SCAI: variants seen among roughly 807,000 people sequenced by gnomAD.
The protein encoded by SCAI is protein SCAI.
In SCAI, 24 loss-of-function variants were observed where a neutral mutation model predicts 92.2. The observed-to-expected ratio is 0.26, with a 90% CI of 0.19 to 0.37. The LOEUF (loss-of-function observed/expected upper bound fraction) is 0.37, where lower values mean the gene tolerates loss of function less well. Ranked by LOEUF, SCAI falls within the 10% of genes least tolerant of loss-of-function variation. SCAI has a pLI of 1.00. For synonymous variants in SCAI, 261 were observed against 258.6 expected (o/e 1.01, Z -0.09); for missense variants, 450 against 736.2 (o/e 0.61, Z 4.50).
intron 2 of SCAI, among the ~76,000 whole-genome samples, chr9:125,118,291 A>T (rs1182079268): frequency 6.6e-6 from 1 of 152,130 alleles, no homozygotes; most frequent in Non-Finnish European, 1.5e-5. Context: ...GCACAGGAGG[A>T]TCATTTGAGG....
At chr9:125,126,390 GGGGT>G (rs145312584) in intron 2 of SCAI, among the ~76,000 whole-genome samples, 15,442 of 129,594 alleles carry the variant, frequency 0.12, 965 homozygotes, top group Admixed American at 0.18. Flanking sequence ...AAGTGAGTTG[GGGGT>G]GTGTGTGTGT....
At chr9:125,056,448 G>A (rs887738983) in intron 2 of SCAI, among the ~76,000 whole-genome samples, 2 of 152,086 alleles carry the variant, frequency 1.3e-5, no homozygotes, top group African/African-American at 4.8e-5. Flanking sequence ...CTGGGTGACA[G>A]AGCGAGACAC....
At position 125,143,453 on chromosome 9, in the gene SCAI, C is replaced by G; in HGVS notation, c.-16G>C. 2.2e-6 allele frequency: 3 copies of G among 1,352,070 alleles called. No individual in the cohort carries two copies. The highest frequency in any genetic ancestry group is 5.4e-4 in the Middle Eastern group (2 of 3,672). 83.8% of individuals were successfully genotyped at this position (1,352,070 alleles called of 1,614,324 possible). A position where few individuals can be genotyped will look rare whatever the true frequency, so the allele number is the denominator to read the frequency against. On this transcript the variant is annotated 5_prime_UTR_variant, in exon 1 of 18. Transcript: ENST00000336505. ...CTCTGACCATCCGGCTCCTGCTCCG[C>G]CGCGGGAGCTGCTCCGGCGGCCGCA...
intron 17 of SCAI, among the ~76,000 whole-genome samples, chr9:124,958,583 T>C (rs1467940488): frequency 6.6e-6 from 1 of 152,086 alleles, no homozygotes; most frequent in Non-Finnish European, 1.5e-5. Context: ...GACCTACATG[T>C]AAAAGCTGAA....
intron 3 of SCAI, among the ~76,000 whole-genome samples, chr9:125,050,380 GA>G (rs1323198418): frequency 3.3e-5 from 5 of 151,982 alleles, no homozygotes; most frequent in African/African-American, 1.2e-4. Context: ...ATCAACACTC[GA>G]AAGAAAAGAG....
At chr9:125,139,992 C>G (rs1240095061) in intron 2 of SCAI, among the ~76,000 whole-genome samples, 1 of 152,044 alleles carries the variant, frequency 6.6e-6, no homozygotes, top group African/African-American at 2.4e-5. Flanking sequence ...TTTGGGAGGC[C>G]AAGGCTGGCG....
At position 125,119,191 on chromosome 9, in the gene SCAI, A is replaced by G. The variant is rs560682198; in HGVS notation, c.98+23442T>C. 4.6e-5 allele frequency among the ~76,000 whole-genome samples: 7 copies of G among 152,286 alleles called. No homozygotes were observed. In the East Asian group the frequency reaches 1.2e-3, roughly 25 times the overall value. On this transcript the variant is annotated intron_variant, in intron 2 of 17. Transcript: ENST00000336505. ...GGAGCAGTAGTAATGAACAGCCAAT[A>G]TTTTGTGGCAGGTAATATCATTGAA...
chr9:125,071,273 C>A (rs112083833), intron 2 of SCAI, among the ~76,000 whole-genome samples: 5,576 of 152,218 alleles, frequency 0.037, 129 homozygotes, highest in Non-Finnish European at 0.051. Context: ...GTGTTGTGTG[C>A]CTATAGTTCT....
At chr9:125,100,067 T>G (rs1166670878) in intron 2 of SCAI, among the ~76,000 whole-genome samples, 2 of 152,270 alleles carry the variant, frequency 1.3e-5, no homozygotes, top group African/African-American at 4.8e-5. Flanking sequence ...GTTGAGTGGC[T>G]GGATCATATA....
chr9:125,021,523 G>A (rs1283247594), intron 6 of SCAI, among the ~76,000 whole-genome samples: 1 of 151,998 alleles, frequency 6.6e-6, no homozygotes, highest in Non-Finnish European at 1.5e-5. Flanking sequence ...GAGTAACAAC[G>A]TGCATCCTTT....
intron 17 of SCAI, 66 bp from the exon 18 acceptor site, chr9:124,953,019 A>T (rs1831255134): frequency 7.7e-7 from 1 of 1,295,398 alleles, no homozygotes; most frequent in Non-Finnish European, 1.1e-6. Flanking sequence ...ACACATTGAT[A>T]ACAGTGTCAA....
chr9:125,100,688 G>C (rs1834659286), intron 2 of SCAI, among the ~76,000 whole-genome samples: 1 of 152,148 alleles, frequency 6.6e-6, no homozygotes, highest in African/African-American at 2.4e-5. Context: ...ATATTAGATG[G>C]TGATAAGTGC....
intron 2 of SCAI, among the ~76,000 whole-genome samples, chr9:125,103,855 A>C (rs1834725959): frequency 1.3e-5 from 2 of 152,220 alleles, no homozygotes; most frequent in Admixed American, 1.3e-4. Context: ...TAAGAATCCT[A>C]GGGCTAAAAG....
chr9:125,077,402 G>A (rs548732646), intron 2 of SCAI, among the ~76,000 whole-genome samples: 36 of 152,172 alleles, frequency 2.4e-4, no homozygotes, highest in African/African-American at 8.4e-4. Context: ...GAATAATACT[G>A]CTACAAATAT....
At chr9:124,996,223 G>A (rs1468114897) in intron 13 of SCAI, among the ~76,000 whole-genome samples, 2 of 150,354 alleles carry the variant, frequency 1.3e-5, no homozygotes, top group Non-Finnish European at 1.5e-5. Flanking sequence ...GCGGGGGTGG[G>A]GGGGTGGTGC....
At position 124,971,837 on chromosome 9, in the gene SCAI, A is replaced by G. The variant is rs1309777519; in HGVS notation, c.1407T>C (p.Ser469=). Residue 469 remains serine (S), a synonymous_variant, in exon 16 of 18, where the codon TCT becomes TCC. Transcript: ENST00000336505. ...AGAGAGTGAAGAGGCTACCTCGCTG[A>G]GATTGATCTGTAATAACAAACATGT... The part of the protein sequence containing the change: ...TAYPKALQDQ[S]QRGSLFTLFL... 8.8e-6 allele frequency: 14 copies of G among 1,588,246 alleles called. No homozygotes were observed. In the Admixed American group the frequency reaches 2.5e-4, roughly 29 times the overall value.
At chr9:124,961,962 G>C (rs1453892673) in intron 17 of SCAI, among the ~76,000 whole-genome samples, 8 of 150,994 alleles carry the variant, frequency 5.3e-5, no homozygotes. Context: ...AGTGGCACCT[G>C]GGAACTTGTC....
intron 2 of SCAI, among the ~76,000 whole-genome samples, chr9:125,135,851 C>A (rs887881373): frequency 2.0e-5 from 3 of 151,300 alleles, no homozygotes; most frequent in African/African-American, 7.3e-5. Flanking sequence ...TGTCTGTAAT[C>A]CCAGCTACTC....
At chr9:125,013,387 G>A (rs1411639329) in intron 9 of SCAI, among the ~76,000 whole-genome samples, 8 of 152,156 alleles carry the variant, frequency 5.3e-5, no homozygotes, top group Non-Finnish European at 1.0e-4. Flanking sequence ...TACCATCAGA[G>A]AATACTATAT....
Sources: gnomAD v4.1 joint callset for allele counts (sites outside exome capture counted in the v4.1 genomes callset) on GRCh38, gnomAD v4.1.1 for gene constraint, MANE v1.5 for transcripts, NCBI Gene and HGNC (gene_info 2026-07-23, HGNC 2026-07-21) for gene names.